USP15: variants seen among roughly 807,000 people sequenced by gnomAD.
USP15 encodes ubiquitin carboxyl-terminal hydrolase 15.
USP15 carries 18 observed loss-of-function variants against 127.1 expected under a neutral mutation model. The observed-to-expected ratio is 0.14, with a 90% CI of 0.10 to 0.21. USP15 has a LOEUF of 0.21. USP15 is among the 10% of genes least tolerant of loss of function. The pLI is 1.00. For synonymous variants in USP15, 364 were observed against 393.7 expected (o/e 0.92, Z 0.89); for missense variants, 805 against 1,159.9 (o/e 0.69, Z 4.44).
intron 6 of USP15, among the ~76,000 whole-genome samples, chr12:62,337,056 T>G (rs1480493094): frequency 2.0e-5 from 3 of 152,224 alleles, no homozygotes. Context: ...TTCTACAATT[T>G]TTTTCAAATC....
chr12:62,346,476 C>T (rs373961549), intron 6 of USP15, among the ~76,000 whole-genome samples: 1 of 152,146 alleles, frequency 6.6e-6, no homozygotes, highest in East Asian at 1.9e-4. Flanking sequence ...TTGACCTCAC[C>T]AATGGACACC....
intron 6 of USP15, among the ~76,000 whole-genome samples, chr12:62,347,286 GAAAAAA>G (rs2065847320): frequency 2.6e-5 from 4 of 151,106 alleles, no homozygotes; most frequent in Admixed American, 2.0e-4. Flanking sequence ...AGAAGAAAAA[GAAAAAA>G]GTGTGTGTGT....
chr12:62,383,041 A>T (rs889810365), intron 9 of USP15, among the ~76,000 whole-genome samples: 8 of 151,968 alleles, frequency 5.3e-5, no homozygotes, highest in African/African-American at 1.9e-4. Context: ...ATTAAAGATT[A>T]CATGTGTTGA....
At chr12:62,369,859 C>G (rs746555210) in intron 8 of USP15, among the ~76,000 whole-genome samples, 1 of 152,176 alleles carries the variant, frequency 6.6e-6, no homozygotes, top group Non-Finnish European at 1.5e-5. Context: ...TTTATACTTA[C>G]AGTAGTATCA....
intron 8 of USP15, among the ~76,000 whole-genome samples, chr12:62,377,386 A>G (rs1388078384): frequency 1.3e-5 from 2 of 152,232 alleles, no homozygotes; most frequent in African/African-American, 2.4e-5. Flanking sequence ...TGAATTGCAT[A>G]AAGTAATTAC....
At chr12:62,298,764 G>A (rs1416461998) in intron 2 of USP15, among the ~76,000 whole-genome samples, 1 of 149,836 alleles carries the variant, frequency 6.7e-6, no homozygotes, top group Non-Finnish European at 1.5e-5. Flanking sequence ...AGGAGACAGA[G>A]GTTGTATGGA....
chr12:62,359,225 C>G lies in USP15; in HGVS notation c.915+3750C>G, dbSNP rs533881523. Reference sequence around the variant, plus strand: ...GGACTCTGAGGAACAGTTTGAAAGCCAAAGTCTGGCTTGAAAAAAAAAAAA... The same window carrying G: ...GGACTCTGAGGAACAGTTTGAAAGCGAAAGTCTGGCTTGAAAAAAAAAAAA... On this transcript the variant is annotated intron_variant, in intron 8 of 21. Coordinates refer to ENST00000280377, the MANE Select transcript of USP15 (RefSeq NM_001252078.2). Among the ~76,000 whole-genome samples the G allele has an allele frequency of 4.2e-5, 5 of 120,466 alleles. No homozygotes were observed. The South Asian group carries it at 1.3e-3, about 32-fold the overall frequency. The allele number at this position is 120,466 out of a possible 152,430, so 79.0% of individuals were successfully genotyped here.
At chr12:62,318,003 T>G (rs1298861355) in intron 4 of USP15, among the ~76,000 whole-genome samples, 1 of 152,226 alleles carries the variant, frequency 6.6e-6, no homozygotes, top group Non-Finnish European at 1.5e-5. Flanking sequence ...ATTTTTTAAT[T>G]TCTAATTTTT....
At chr12:62,371,512 G>A (rs1555220465) in intron 8 of USP15, among the ~76,000 whole-genome samples, 1 of 152,184 alleles carries the variant, frequency 6.6e-6, no homozygotes, top group Non-Finnish European at 1.5e-5. Context: ...GTGATCAAAA[G>A]TCTCTATAGC....
intron 6 of USP15, among the ~76,000 whole-genome samples, chr12:62,344,385 C>G (rs2065745184): frequency 6.6e-6 from 1 of 152,204 alleles, no homozygotes; most frequent in South Asian, 2.1e-4. Flanking sequence ...CCATGTCTTG[C>G]ATCTGGGTCA....
intron 5 of USP15, among the ~76,000 whole-genome samples, chr12:62,324,283 A>C (rs2065067774): frequency 6.6e-6 from 1 of 152,116 alleles, no homozygotes; most frequent in African/African-American, 2.4e-5. Context: ...AAAACATGGA[A>C]TTTTAAGTAT....
chr12:62,291,370 A>C (rs1412529304), intron 1 of USP15, among the ~76,000 whole-genome samples: 1 of 152,078 alleles, frequency 6.6e-6, no homozygotes, highest in African/African-American at 2.4e-5. Context: ...TATTTTGTAA[A>C]TCCTTCAGTG....
chr12:62,304,830 TAAA>T (rs34411608), intron 3 of USP15: 167 of 174,526 alleles, frequency 9.6e-4, no homozygotes, highest in South Asian at 2.8e-3. Context: ...TTATTATGCT[TAAA>T]AAAAAAAAAA....
chr12:62,338,436 C>G (rs946697583), intron 6 of USP15, among the ~76,000 whole-genome samples: 1 of 152,108 alleles, frequency 6.6e-6, no homozygotes, highest in Non-Finnish European at 1.5e-5. Context: ...TGCCTGTTCA[C>G]TCTGATGATA....
chr12:62,354,740 GC>G (rs2066066842), intron 7 of USP15, among the ~76,000 whole-genome samples: 1 of 151,896 alleles, frequency 6.6e-6, no homozygotes, highest in South Asian at 2.1e-4. Context: ...GGATATACTT[GC>G]GTGGAATCAT....
chr12:62,310,471 G>C (rs1431485964), intron 3 of USP15, among the ~76,000 whole-genome samples: 2 of 151,812 alleles, frequency 1.3e-5, no homozygotes, highest in African/African-American at 2.4e-5. Context: ...GTAAAAGTAA[G>C]AACAGATGAT....
At chr12:62,309,914 A>G (rs1391898329) in intron 3 of USP15, among the ~76,000 whole-genome samples, 1 of 152,004 alleles carries the variant, frequency 6.6e-6, no homozygotes, top group Non-Finnish European at 1.5e-5. Context: ...AAATATTAAA[A>G]GTTCTTCCCA....
intron 16 of USP15, 53 bp downstream of exon 16, chr12:62,391,482 T>C: frequency 5.1e-6 from 8 of 1,565,438 alleles, no homozygotes; most frequent in Non-Finnish European, 6.0e-6. Flanking sequence ...GCATGTTATT[T>C]TTTTTTTAGG....
rs544907420 is a variant in USP15, at chr12:62,330,950, A to C, written c.683+5017A>C. On this transcript the variant is annotated intron_variant, in intron 6 of 21. Coordinates refer to ENST00000280377, the MANE Select transcript of USP15 (RefSeq NM_001252078.2). ...CCAAAAAGGAAAAAAAAAAAAAAAA[A>C]CAGAAAAGCATGTTATAAGCACATG... 2.0e-4 allele frequency among the ~76,000 whole-genome samples: 29 copies of C among 147,954 alleles called. 1 individual carries two copies. In the South Asian group the frequency reaches 5.8e-3, roughly 30 times the overall value.
Sources: allele counts gnomAD v4.1 joint callset (sites outside exome capture counted in the v4.1 genomes callset), GRCh38; gene constraint gnomAD v4.1.1; transcripts MANE v1.5; gene names NCBI Gene and HGNC (gene_info 2026-07-23, HGNC 2026-07-21).